Variants in DPP10 observed in about 807,000 individuals in gnomAD.
The protein encoded by DPP10 is inactive dipeptidyl peptidase 10.
A neutral mutation model predicts 120.9 loss-of-function variants in DPP10; 33 were observed. The ratio of observed to expected loss-of-function variants is 0.27; its 90% CI spans 0.21 to 0.37. DPP10 has a LOEUF of 0.37. Among genes scored for constraint, DPP10 ranks in the 10% least tolerant of loss-of-function variants. The pLI is 1.00. For missense variants in DPP10, 816 were observed against 942.8 expected, an observed-to-expected ratio of 0.87 and a Z score of 1.76; for synonymous variants, 337 against 326.1, an observed-to-expected ratio of 1.03 and a Z score of -0.36.
At chr2:115,056,164 A>C (rs1429240247) in intron 1 of DPP10, among the ~76,000 whole-genome samples, 2 of 152,104 alleles carry the variant, frequency 1.3e-5, no homozygotes. Context: ...ATACATACGG[A>C]TCCTTAAACA....
chr2:115,501,853 C>T (rs996151726), intron 4 of DPP10, among the ~76,000 whole-genome samples: 1 of 152,012 alleles, frequency 6.6e-6, no homozygotes. Flanking sequence ...GATTTAATTT[C>T]TCTTCCAGGA....
At chr2:114,676,647 C>G (rs538628190) in intron 1 of DPP10, among the ~76,000 whole-genome samples, 1 of 152,056 alleles carries the variant, frequency 6.6e-6, no homozygotes, top group African/African-American at 2.4e-5. Flanking sequence ...ATGACTGGAA[C>G]AAGGCTTAAG....
intron 1 of DPP10, among the ~76,000 whole-genome samples, chr2:114,786,664 C>T (rs1314212511): frequency 3.3e-5 from 5 of 152,264 alleles, no homozygotes; most frequent in South Asian, 2.1e-4. Flanking sequence ...TCCAGAACCT[C>T]CAGGTGTTTT....
intron 1 of DPP10, chr2:114,828,483 T>C (rs1686765835): frequency 1.3e-5 from 2 of 152,228 alleles, no homozygotes; most frequent in South Asian, 4.1e-4. Context: ...ACTAATATGC[T>C]TGTGGTAGAA....
At chr2:115,435,349 C>G (rs201430517) in intron 3 of DPP10, among the ~76,000 whole-genome samples, 1 of 151,612 alleles carries the variant, frequency 6.6e-6, no homozygotes, top group Non-Finnish European at 1.5e-5. Context: ...TCCACATCCT[C>G]GTTACCATTC....
At chr2:114,533,080 T>C (rs1293597798) in intron 1 of DPP10, among the ~76,000 whole-genome samples, 2 of 152,182 alleles carry the variant, frequency 1.3e-5, no homozygotes, top group South Asian at 4.1e-4. Flanking sequence ...TTGAGAATCA[T>C]GCTTACCAAG....
At chr2:114,711,014 AAC>A (rs985817018) in intron 1 of DPP10, among the ~76,000 whole-genome samples, 1 of 152,210 alleles carries the variant, frequency 6.6e-6, no homozygotes, top group Non-Finnish European at 1.5e-5. Context: ...ACAAAAGCTG[AAC>A]ACAGTTATTT....
At chr2:115,762,450 C>T in intron 11 of DPP10, 122 bp from the exon 12 acceptor site, 1 of 876,350 alleles carries the variant, frequency 1.1e-6, no homozygotes, top group Non-Finnish European at 1.9e-6. Flanking sequence ...TGAAATCTCT[C>T]ATGGTGTTTC....
intron 3 of DPP10, among the ~76,000 whole-genome samples, chr2:115,393,576 T>C (rs1249682680): frequency 1.3e-5 from 2 of 152,140 alleles, no homozygotes; most frequent in Non-Finnish European, 2.9e-5. Flanking sequence ...GGAGAAAGGA[T>C]TGTATTAAAT....
At chr2:114,637,782 A>G (rs1695405609) in intron 1 of DPP10, among the ~76,000 whole-genome samples, 1 of 151,810 alleles carries the variant, frequency 6.6e-6, no homozygotes, top group Non-Finnish European at 1.5e-5. Flanking sequence ...TTTGTCAAAG[A>G]TCAGATGGCT....
At chr2:115,324,546 T>C (rs1389878793) in intron 2 of DPP10, among the ~76,000 whole-genome samples, 2 of 152,152 alleles carry the variant, frequency 1.3e-5, no homozygotes, top group East Asian at 3.9e-4. Flanking sequence ...CTTCACAGAA[T>C]TGAAGAGAGT....
At chr2:115,807,842 C>A (rs1303236632) in intron 19 of DPP10, among the ~76,000 whole-genome samples, 5 of 149,120 alleles carry the variant, frequency 3.4e-5, no homozygotes, top group Admixed American at 1.3e-4. Flanking sequence ...TTTTTTAATT[C>A]TTTAAAAACA....
chr2:115,559,527 G>A (rs2080433676), intron 5 of DPP10, among the ~76,000 whole-genome samples: 1 of 152,000 alleles, frequency 6.6e-6, no homozygotes, highest in South Asian at 2.1e-4. Context: ...TTGAATGAGA[G>A]ACTGCTTTCT....
chr2:115,686,208 C>T (rs1409309912), intron 5 of DPP10, among the ~76,000 whole-genome samples: 1 of 152,016 alleles, frequency 6.6e-6, no homozygotes, highest in Non-Finnish European at 1.5e-5. Context: ...CCAGTCACTT[C>T]TGCCCCCAAG....
chr2:115,321,475 G>T (rs1209217752), intron 2 of DPP10, among the ~76,000 whole-genome samples: 1 of 142,422 alleles, frequency 7.0e-6, no homozygotes, highest in Non-Finnish European at 1.5e-5. Context: ...TATCTTCTGC[G>T]TATTTTATTA....
At chr2:115,771,130 A>C (rs1307909856) in intron 13 of DPP10, among the ~76,000 whole-genome samples, 1 of 152,052 alleles carries the variant, frequency 6.6e-6, no homozygotes, top group Admixed American at 6.6e-5. Context: ...GCTAGAATGC[A>C]GTGACACGAT....
chr2:115,372,044 A>T (rs963603594), intron 3 of DPP10, among the ~76,000 whole-genome samples: 4 of 152,154 alleles, frequency 2.6e-5, no homozygotes, highest in African/African-American at 9.6e-5. Context: ...TATGTAATGT[A>T]ACAAGTCTTA....
At chr2:114,482,199 T>G (rs771301935) in intron 1 of DPP10, among the ~76,000 whole-genome samples, 62 of 152,122 alleles carry the variant, frequency 4.1e-4, no homozygotes, top group Non-Finnish European at 7.6e-4. Flanking sequence ...ATAATTCCAT[T>G]AATATAACAT....
rs116416406 is a variant in DPP10, at chr2:115,597,400, A to C, written c.441+71428A>C. The stretch of plus-strand genomic sequence containing the variant: ...AGAATAAGGTGGATTAAAAATAAAT[A>C]AGAGAACAATTTTTAAGAAAGGAAG... On this transcript the variant is annotated intron_variant, in intron 5 of 25. Transcript: ENST00000410059. 6.0e-3 allele frequency among the ~76,000 whole-genome samples: 919 copies of C among 152,222 alleles called. 10 individuals carry two copies. The highest frequency in any genetic ancestry group is 0.021 in the African/African-American group (874 of 41,546).
Sources: gnomAD v4.1 joint callset for allele counts (sites outside exome capture counted in the v4.1 genomes callset) on GRCh38, gnomAD v4.1.1 for gene constraint, MANE v1.5 for transcripts, NCBI Gene and HGNC (gene_info 2026-07-23, HGNC 2026-07-21) for gene names.